The following CADPS2 variants were observed in gnomAD, a reference collection of about 807,000 sequenced individuals.
CADPS2 encodes the protein calcium-dependent secretion activator 2.
CADPS2 carries 93 observed loss-of-function variants against 172.5 expected under a neutral mutation model. That is an observed-to-expected ratio of 0.54 (90% CI 0.46 to 0.64). The LOEUF (loss-of-function observed/expected upper bound fraction) is 0.64. Among genes scored for constraint, CADPS2 ranks in the 30% least tolerant of loss-of-function variants. The pLI is 0.00. For missense variants in CADPS2, 1,420 were observed against 1,565.9 expected, an observed-to-expected ratio of 0.91 and a Z score of 1.57; for synonymous variants, 546 against 555.2, an observed-to-expected ratio of 0.98 and a Z score of 0.23.
At position 122,684,083 on chromosome 7, in the gene CADPS2, T is replaced by C. The variant is rs2083366629; in HGVS notation, c.454-20514A>G. On this transcript the variant is annotated intron_variant, in intron 2 of 29. Coordinates refer to ENST00000449022, the MANE Select transcript of CADPS2 (RefSeq NM_017954.11). ...TATCTTTATTAAATGTATAGAGAGC[T>C]CACATTTATTTCCATGCTAAATATT... Among the ~76,000 whole-genome samples the C allele has an allele frequency of 2.0e-5, 3 of 152,226 alleles. No homozygotes were observed. In the South Asian group the frequency reaches 6.2e-4, roughly 32 times the overall value.
At chr7:122,430,609 C>G (rs57057655) in intron 17 of CADPS2, among the ~76,000 whole-genome samples, 9,120 of 152,138 alleles carry the variant, frequency 0.06, 676 homozygotes, top group African/African-American at 0.17. Flanking sequence ...GAGAAAACTA[C>G]TTGATTTTTA....
chr7:122,699,205 A>G, intron 2 of CADPS2: 1 of 305,174 alleles, frequency 3.3e-6, no homozygotes, highest in Non-Finnish European at 6.1e-6. Context: ...AGCCAATTAG[A>G]TAAGAGCTTA....
At chr7:122,660,963 A>G (rs1206919611) in intron 3 of CADPS2, among the ~76,000 whole-genome samples, 2 of 152,134 alleles carry the variant, frequency 1.3e-5, no homozygotes, top group Non-Finnish European at 2.9e-5. Flanking sequence ...CAAAACATCC[A>G]CTTTAAAAAT....
chr7:122,652,582 C>G (rs2079281021), intron 3 of CADPS2, among the ~76,000 whole-genome samples: 1 of 152,134 alleles, frequency 6.6e-6, no homozygotes, highest in Non-Finnish European at 1.5e-5. Flanking sequence ...CACTCCTGTT[C>G]CTTTTTATAA....
intron 15 of CADPS2, among the ~76,000 whole-genome samples, chr7:122,449,537 G>T (rs143244171): frequency 0.016 from 2,490 of 152,124 alleles, 31 homozygotes; most frequent in Admixed American, 0.027. Context: ...GCCTAGGCTG[G>T]TCTTGAACTC....
intron 3 of CADPS2, among the ~76,000 whole-genome samples, chr7:122,645,467 ATATAT>A (rs2078342036): frequency 1.3e-5 from 1 of 75,114 alleles, no homozygotes; most frequent in Admixed American, 1.4e-4. Context: ...ATATATGTGT[ATATAT>A]GTATATATAT....
chr7:122,734,469 T>C (rs959883614), intron 2 of CADPS2, among the ~76,000 whole-genome samples: 1 of 149,736 alleles, frequency 6.7e-6, no homozygotes, highest in Non-Finnish European at 1.5e-5. Context: ...TTAACCTCTA[T>C]GAGCTTCAAT....
intron 1 of CADPS2, among the ~76,000 whole-genome samples, chr7:122,860,290 G>A (rs893915937): frequency 1.3e-5 from 2 of 152,104 alleles, no homozygotes; most frequent in African/African-American, 4.8e-5. Context: ...GTGCAGAAGT[G>A]TAATCATAGC....
rs1466073471 is a variant in CADPS2 at position 122,345,680 on chromosome 7, TTC to T, written c.3505-1_3505del. 1 of 1,601,238 alleles carries T rather than the reference TTC, an allele frequency of 6.2e-7. No homozygotes were observed. On this transcript the variant is annotated splice_acceptor_variant and coding_sequence_variant, in exon 28 of 30. Coordinates refer to ENST00000449022, the MANE Select transcript of CADPS2 (RefSeq NM_017954.11). LOFTEE classifies it high-confidence loss of function. ...GGTGTCTGCCAGATCCATTCCTGGT[TTC>T]TGTTGTGAAGGAAAAGCAGGGGGAA...
intron 2 of CADPS2, among the ~76,000 whole-genome samples, chr7:122,686,381 T>C (rs1459723823): frequency 1.3e-5 from 2 of 152,148 alleles, no homozygotes; most frequent in African/African-American, 4.8e-5. Flanking sequence ...GTTACTGAGA[T>C]TTTCAATTAC....
chr7:122,364,872 C>T (rs144489815), intron 25 of CADPS2, among the ~76,000 whole-genome samples: 2 of 152,256 alleles, frequency 1.3e-5, no homozygotes, highest in East Asian at 3.9e-4. Context: ...AACATAACTG[C>T]ACATGACACA....
At position 122,318,659 on chromosome 7, in the gene CADPS2, T is replaced by A. The variant is rs1026660283; in HGVS notation, c.*1506A>T. On this transcript the variant is annotated 3_prime_UTR_variant, in exon 30 of 30. Coordinates refer to ENST00000449022, the MANE Select transcript of CADPS2 (RefSeq NM_017954.11). ...AAAGATAGTGAGTTGGTAGAGTTAGTCTTTAATCCCGGAAGAAGGAAGAAA... is the reference window on the plus strand; with the variant it reads ...AAAGATAGTGAGTTGGTAGAGTTAGACTTTAATCCCGGAAGAAGGAAGAAA... 4 of 152,206 alleles carry A rather than the reference T, an allele frequency of 2.6e-5. No individual in the cohort carries two copies. Among genetic ancestry groups the A allele is most frequent in the African/African-American group, 9.6e-5 (4 of 41,452 alleles). 9.4% of individuals were successfully genotyped at this position (152,206 alleles called of 1,614,324 possible). A position where few individuals can be genotyped will look rare whatever the true frequency, so the allele number is the denominator to read the frequency against.
At chr7:122,884,768 T>C (rs1480521231) in intron 1 of CADPS2, among the ~76,000 whole-genome samples, 1 of 152,248 alleles carries the variant, frequency 6.6e-6, no homozygotes, top group Non-Finnish European at 1.5e-5. Flanking sequence ...TATACACCTA[T>C]GAAACCACCA....
chr7:122,346,267 G>T (rs184399266), intron 27 of CADPS2, among the ~76,000 whole-genome samples: 110 of 152,160 alleles, frequency 7.2e-4, no homozygotes, highest in Non-Finnish European at 1.4e-3. Context: ...AGCCAGGAGG[G>T]TGAGGCAGGA....
At chr7:122,419,633 C>G (rs962215941) in intron 17 of CADPS2, among the ~76,000 whole-genome samples, 2 of 152,096 alleles carry the variant, frequency 1.3e-5, no homozygotes, top group Non-Finnish European at 2.9e-5. Context: ...CAAACAGATG[C>G]TAAGAAGCAC....
rs2056865322 is a variant in CADPS2, at chr7:122,477,711, GATAC to G, written c.1861+3137_1861+3140del. On this transcript the variant is annotated intron_variant, in intron 12 of 29. Coordinates refer to ENST00000449022, the MANE Select transcript of CADPS2 (RefSeq NM_017954.11). ...TAAGCTTTACAACATGATGTTAAGG[GATAC>G]ATATAGACAGTAAAATGGTTACAAT... is the stretch of plus-strand genomic sequence containing the variant. Among the ~76,000 whole-genome samples the G allele has an allele frequency of 1.3e-5, 2 of 152,192 alleles. 1 individual carries two copies. Among genetic ancestry groups the G allele is most frequent in the South Asian group, 4.2e-4 (2 of 4,818 alleles).
chr7:122,480,520 G>T (rs2057161751), intron 12 of CADPS2, among the ~76,000 whole-genome samples: 1 of 151,818 alleles, frequency 6.6e-6, no homozygotes. Flanking sequence ...TCATCAATTG[G>T]GTGTTTTTTT....
intron 6 of CADPS2, among the ~76,000 whole-genome samples, chr7:122,592,520 T>C (rs2071005082): frequency 6.6e-6 from 1 of 152,158 alleles, no homozygotes; most frequent in Admixed American, 6.5e-5. Flanking sequence ...ATCATGCTGC[T>C]ATAAAGACAC....
At chr7:122,625,534 T>A (rs2076004940) in intron 4 of CADPS2, among the ~76,000 whole-genome samples, 1 of 152,222 alleles carries the variant, frequency 6.6e-6, no homozygotes, top group Non-Finnish European at 1.5e-5. Flanking sequence ...GAAGGATTTA[T>A]GACCAAAGGC....
Sources: gnomAD v4.1 joint callset for allele counts (sites outside exome capture counted in the v4.1 genomes callset) on GRCh38, gnomAD v4.1.1 for gene constraint, MANE v1.5 for transcripts, NCBI Gene and HGNC (gene_info 2026-07-23, HGNC 2026-07-21) for gene names.